FAN1: variants seen among roughly 807,000 people sequenced by gnomAD.
FAN1 encodes the protein fanconi-associated nuclease 1.
FAN1 carries 91 observed loss-of-function variants against 104.9 expected under a neutral mutation model. That is an observed-to-expected ratio of 0.87 (90% confidence interval 0.73 to 1.03). The LOEUF (loss-of-function observed/expected upper bound fraction) is 1.03, where lower values mean the gene tolerates loss of function less well. Ranked by LOEUF, FAN1 falls within the 50% of genes least tolerant of loss-of-function variation. The probability of loss-of-function intolerance (pLI) is 0.00; values close to 1 mark genes in which losing one functional copy is unlikely to be tolerated. For missense variants in FAN1, 1,263 were observed against 1,239.9 expected, an observed-to-expected ratio of 1.02 and a Z score of -0.28; for synonymous variants, 478 against 457.6, an observed-to-expected ratio of 1.04 and a Z score of -0.57.
chr15:30,912,895 G>A (rs886145299), intron 4 of FAN1, among the ~76,000 whole-genome samples: 2 of 152,174 alleles, frequency 1.3e-5, no homozygotes, highest in African/African-American at 4.8e-5. Flanking sequence ...GCTATTGATG[G>A]TGTCTAAGCT....
intron 10 of FAN1, chr15:30,927,651 A>G: frequency 1.0e-6 from 1 of 985,604 alleles, no homozygotes; most frequent in Non-Finnish European, 1.2e-6. Context: ...TGCTGCCAGT[A>G]CTGGCATGTC....
chr15:30,925,356 G>A, intron 9 of FAN1, 65 bp downstream of exon 9: 1 of 1,445,940 alleles, frequency 6.9e-7, no homozygotes, highest in Non-Finnish European at 9.5e-7. Flanking sequence ...TGGACCAGAA[G>A]CATCCTAAGA....
intron 14 of FAN1, chr15:30,940,441 G>GAACT (rs2063004433): frequency 1.0e-6 from 1 of 985,226 alleles, no homozygotes; most frequent in Non-Finnish European, 1.2e-6. Context: ...TAAGCATTAG[G>GAACT]AACTATGAGA....
rs1210612014 is a variant in FAN1, at chr15:30,928,781, C to A, written c.2592+125C>A. 5 of 1,522,380 alleles carry A rather than the reference C, an allele frequency of 3.3e-6. No homozygotes were observed. The African/African-American group carries it at 7.0e-5, about 21-fold the overall frequency. 94.3% of individuals were successfully genotyped at this position (1,522,380 alleles called of 1,614,324 possible). A position where few individuals can be genotyped will look rare whatever the true frequency, so the allele number is the denominator to read the frequency against. On this transcript the variant is annotated intron_variant, in intron 11 of 14. Coordinates refer to ENST00000362065, the MANE Select transcript of FAN1 (RefSeq NM_014967.5). ...CTGTTACGGTCCTTTGGGTCATCCA[C>A]AGGTCAAGATGATAACTTATTTTAA...
chr15:30,942,238 GA>G lies in FAN1; in HGVS notation c.*678del. 1 of 869,346 alleles carries G rather than the reference GA, an allele frequency of 1.2e-6. No individual in the cohort carries two copies. The highest frequency in any genetic ancestry group is 1.7e-5 in the South Asian group (1 of 57,508). 53.9% of individuals were successfully genotyped at this position (869,346 alleles called of 1,614,324 possible). ...TCCTTATTCTAATCCTCCTCCCCTG[GA>G]ATTACACTTTTTTATGTGTTGACTC... On this transcript the variant is annotated 3_prime_UTR_variant, in exon 15 of 15. Transcript: ENST00000362065.
rs748145742 is a variant in FAN1, at chr15:30,929,271, G to A, written c.2661G>A (p.Leu887=). 6.2e-7 allele frequency: 1 copy of A among 1,613,598 alleles called. No homozygotes were observed. Among genetic ancestry groups the A allele is most frequent in the Non-Finnish European group, 8.5e-7 (1 of 1,179,818 alleles). The change falls in exon 12 of 15, where the codon CTG becomes CTA. Residue 887 remains leucine, a synonymous_variant. Coordinates refer to ENST00000362065, the MANE Select transcript of FAN1 (RefSeq NM_014967.5). ...TSRRPALEAR[L]QLIHDAPEES... ...GACGCCCAGCCCTTGAGGCCAGGCT[G>A]CAGCTGATTCATGATGCCCCCGAGG...
intron 13 of FAN1, among the ~76,000 whole-genome samples, chr15:30,932,183 C>G (rs1247270766): frequency 7.1e-6 from 1 of 139,988 alleles, no homozygotes; most frequent in Non-Finnish European, 1.5e-5. Flanking sequence ...GATTGCGCCA[C>G]TGCACTCCAG....
Position 30,929,289 on chromosome 15 carries a change from C to G in FAN1, c.2679C>G (p.Ala893=). Residue 893 remains alanine (A), a synonymous_variant, in exon 12 of 15, where the codon GCC becomes GCG. Coordinates refer to ENST00000362065, the MANE Select transcript of FAN1 (RefSeq NM_014967.5). Reference sequence around the variant, plus strand: ...CCAGGCTGCAGCTGATTCATGATGCCCCCGAGGAGAGCCTGCGGGCCTGGG... The same window carrying G: ...CCAGGCTGCAGCTGATTCATGATGCGCCCGAGGAGAGCCTGCGGGCCTGGG... ...LEARLQLIHD[A]PEESLRAWVA... The G allele has an allele frequency of 6.2e-7, 1 of 1,613,118 alleles. No individual in the cohort carries two copies.
Position 30,907,963 on chromosome 15 carries a change from A to G in FAN1, c.1235-155A>G, listed in dbSNP as rs77266201. Among the ~76,000 whole-genome samples the G allele has an allele frequency of 5.7e-4, 87 of 152,344 alleles. 2 individuals are homozygous for G. The East Asian group carries it at 0.015, about 27-fold the overall frequency. ...TTAAAATGACCAATAATTGTTACCAAATTTTTAAATGTACTTTCAAAATGG... is the reference window on the plus strand; with the variant it reads ...TTAAAATGACCAATAATTGTTACCAGATTTTTAAATGTACTTTCAAAATGG... On this transcript the variant is annotated intron_variant, in intron 2 of 14. Transcript: ENST00000362065.
At chr15:30,909,525 A>G (rs1486095351) in intron 3 of FAN1, among the ~76,000 whole-genome samples, 1 of 152,234 alleles carries the variant, frequency 6.6e-6, no homozygotes, top group African/African-American at 2.4e-5. Context: ...TCTGACAGGC[A>G]TGCCAGGTGA....
intron 13 of FAN1, among the ~76,000 whole-genome samples, chr15:30,932,712 TTTTC>T (rs1342969853): frequency 1.1e-5 from 1 of 93,758 alleles, no homozygotes; most frequent in Non-Finnish European, 2.1e-5. Context: ...TATTTGTTTC[TTTTC>T]TTTTTTTTTT....
chr15:30,920,669 C>A lies in FAN1; in HGVS notation c.2052+16C>A. On this transcript the variant is annotated intron_variant, in intron 7 of 14. Coordinates refer to ENST00000362065, the MANE Select transcript of FAN1 (RefSeq NM_014967.5). ...CATGTATGAGGTTAGAGCACAGGTC[C>A]CTGCCCCCCACCATTACTGATGTGA... is the stretch of plus-strand genomic sequence containing the variant. 1 of 1,454,868 alleles carries A rather than the reference C, an allele frequency of 6.9e-7. No individual in the cohort carries two copies. 90.1% of individuals were successfully genotyped at this position (1,454,868 alleles called of 1,614,324 possible).
intron 3 of FAN1, 115 bp downstream of exon 3, chr15:30,908,373 CT>C (rs2062029153): frequency 2.5e-6 from 2 of 804,946 alleles, no homozygotes; most frequent in Non-Finnish European, 1.8e-6. Context: ...TGGTAACTTA[CT>C]GTTTTTTAAT....
At chr15:30,940,785 ATTTT>A in intron 14 of FAN1, 1 of 986,886 alleles carries the variant, frequency 1.0e-6, no homozygotes, top group Non-Finnish European at 1.2e-6. Flanking sequence ...GTGAAATTAT[ATTTT>A]CTTCTGTAAT....
Position 30,918,232 on chromosome 15 carries a change from C to A in FAN1, c.1880C>A (p.Ala627Asp), listed in dbSNP as rs2062236197. The change falls in exon 6 of 15, where the codon GCT becomes GAT. Residue 627 changes from alanine to aspartate, a missense_variant. Ala to Asp is a moderately radical substitution (Grantham distance 126). Transcript: ENST00000362065. Reference protein sequence around the residue: ...SAMANGNWEEAKELAQCAKRD... With the variant: ...SAMANGNWEEDKELAQCAKRD... ...ATGGCCAATGGGAACTGGGAAGAAGCTAAGGAGCTCGCTCAGTGTGCAAAA... is the reference window on the plus strand; with the variant it reads ...ATGGCCAATGGGAACTGGGAAGAAGATAAGGAGCTCGCTCAGTGTGCAAAA... The A allele has an allele frequency of 1.2e-6, 2 of 1,613,934 alleles. No homozygotes were observed.
intron 13 of FAN1, among the ~76,000 whole-genome samples, chr15:30,932,111 A>G (rs373696416): frequency 6.8e-4 from 102 of 150,742 alleles, no homozygotes; most frequent in Admixed American, 9.4e-4. Flanking sequence ...AGTCCCAGCT[A>G]CTTGGGAGGC....
intron 10 of FAN1, chr15:30,927,847 A>G: frequency 1.0e-6 from 1 of 985,482 alleles, no homozygotes; most frequent in Non-Finnish European, 1.2e-6. Flanking sequence ...TGACCCCCTC[A>G]TCCCACACCA....
At position 30,905,462 on chromosome 15, in the gene FAN1, C is replaced by T. The variant is rs2061954652; in HGVS notation, c.799C>T (p.Pro267Ser). The change falls in exon 2 of 15, where the codon CCA becomes TCA. Residue 267 changes from proline to serine, a missense_variant. Physicochemically the swap from Pro to Ser is moderately conservative, Grantham distance 74. Transcript: ENST00000362065. Reference sequence around the variant, plus strand: ...AGATAATGCGATCATGTTATTCTCACCAGATTTCACTCTTAGGAATACATT... The same window carrying T: ...AGATAATGCGATCATGTTATTCTCATCAGATTTCACTCTTAGGAATACATT... ...FSDNAIMLFS[P>S]DFTLRNTLKS... 6.2e-7 allele frequency: 1 copy of T among 1,613,792 alleles called. No individual in the cohort carries two copies. The highest frequency in any genetic ancestry group is 1.1e-5 in the South Asian group (1 of 91,092).
At position 30,913,883 on chromosome 15, in the gene FAN1, G is replaced by C. The variant is rs1566915326; in HGVS notation, c.1603G>C (p.Val535Leu). 5 of 1,613,912 alleles carry C rather than the reference G, an allele frequency of 3.1e-6. No homozygotes were observed. The highest frequency in any genetic ancestry group is 4.2e-6 in the Non-Finnish European group (5 of 1,179,862). ...AGCCAAAGCCTTGGCTGGACAGTCA[G>C]TACGAATCTGTAAAGGCCCCAGGGC... is the stretch of plus-strand genomic sequence containing the variant. ...KRAKALAGQS[V>L]RICKGPRAVF... is the part of the protein sequence containing the mutation. The change falls in exon 5 of 15, where the codon GTA becomes CTA. Residue 535 changes from valine to leucine, a missense_variant. Val to Leu is a conservative substitution (Grantham distance 32). This residue lies in a region of FAN1 where 581 missense variants were observed against 668.8 expected (regional missense o/e 0.87). Transcript: ENST00000362065.
Sources: allele counts gnomAD v4.1 joint callset (sites outside exome capture counted in the v4.1 genomes callset), GRCh38; gene constraint gnomAD v4.1.1; regional missense constraint gnomAD v4.1.1; transcripts MANE v1.5; gene names NCBI Gene and HGNC (gene_info 2026-07-23, HGNC 2026-07-21).